The following PHF20 variants were observed in gnomAD, a reference collection of about 807,000 sequenced individuals.
PHF20 encodes the protein PHD finger protein 20.
A neutral mutation model predicts 113.5 loss-of-function variants in PHF20; 23 were observed. The ratio of observed to expected loss-of-function variants is 0.20; its 90% CI spans 0.15 to 0.29. PHF20 has a LOEUF of 0.29. PHF20 is among the 10% of genes least tolerant of loss of function. The pLI is 1.00. For synonymous variants in PHF20, 434 were observed against 457.3 expected, an observed-to-expected ratio of 0.95 and a Z score of 0.65; for missense variants, 943 against 1,219.6, an observed-to-expected ratio of 0.77 and a Z score of 3.38.
intron 4 of PHF20, among the ~76,000 whole-genome samples, chr20:35,851,124 T>C (rs1427497627): frequency 2.6e-5 from 4 of 152,156 alleles, no homozygotes; most frequent in African/African-American, 9.7e-5. Flanking sequence ...CCCCCAGTAG[T>C]GTACAACTCT....
rs186789752 is a variant in PHF20 at position 35,894,183 on chromosome 20, G to A, written c.1283-5187G>A. Among the ~76,000 whole-genome samples the A allele has an allele frequency of 1.2e-3, 178 of 152,332 alleles. 1 individual carries two copies. The highest frequency in any genetic ancestry group is 3.4e-3 in the Middle Eastern group (1 of 294). On this transcript the variant is annotated intron_variant, in intron 9 of 17. Transcript: ENST00000374012. ...TTCAGGGTGATATGCGTCCCAGCCA[G>A]GGCATATGAAGACTGGTTGAAGAAA...
chr20:35,776,516 T>C (rs2041178279), intron 1 of PHF20, among the ~76,000 whole-genome samples: 1 of 152,218 alleles, frequency 6.6e-6, no homozygotes, highest in Non-Finnish European at 1.5e-5. Flanking sequence ...TTTTTCCTTT[T>C]TTCAAAAAAT....
chr20:35,829,648 A>G (rs769808361), intron 2 of PHF20, among the ~76,000 whole-genome samples: 1 of 150,770 alleles, frequency 6.6e-6, no homozygotes, highest in Non-Finnish European at 1.5e-5. Context: ...AGCCTGACCT[A>G]AAATTTTTCA....
chr20:35,928,658 G>A (rs2055692479), intron 14 of PHF20: 1 of 152,160 alleles, frequency 6.6e-6, no homozygotes, highest in Admixed American at 6.6e-5. Context: ...TTTAGTGTAT[G>A]TGCTGCCGAA....
chr20:35,790,816 GA>G (rs541373706), intron 1 of PHF20, among the ~76,000 whole-genome samples: 213 of 152,224 alleles, frequency 1.4e-3, no homozygotes, highest in Non-Finnish European at 2.3e-3. Flanking sequence ...TGAGTACCTT[GA>G]ATATGGTTCT....
intron 10 of PHF20, among the ~76,000 whole-genome samples, chr20:35,903,072 CCTTT>C (rs1252444118): frequency 4.3e-5 from 4 of 94,058 alleles, no homozygotes; most frequent in African/African-American, 2.4e-4. Context: ...CCTTTCCTAT[CCTTT>C]CTTTTTTTTT....
At chr20:35,886,005 TTTCC>T (rs2054724289) in intron 9 of PHF20, among the ~76,000 whole-genome samples, 1 of 152,156 alleles carries the variant, frequency 6.6e-6, no homozygotes, top group Non-Finnish European at 1.5e-5. Flanking sequence ...ATCTCACTTC[TTTCC>T]TTCCTTTCCT....
chr20:35,944,257 T>G (rs1404492728), intron 17 of PHF20, among the ~76,000 whole-genome samples: 1 of 152,196 alleles, frequency 6.6e-6, no homozygotes, highest in African/African-American at 2.4e-5. Context: ...TTCTTCAGCC[T>G]AACAGACCTA....
At chr20:35,891,910 G>A (rs2054872692) in intron 9 of PHF20, among the ~76,000 whole-genome samples, 1 of 151,748 alleles carries the variant, frequency 6.6e-6, no homozygotes, top group African/African-American at 2.4e-5. Context: ...TCACTGTGTT[G>A]CCCAGGCTGG....
chr20:35,893,688 C>T (rs2054921204), intron 9 of PHF20, among the ~76,000 whole-genome samples: 1 of 152,088 alleles, frequency 6.6e-6, no homozygotes, highest in African/African-American at 2.4e-5. Flanking sequence ...GATCGCAGCT[C>T]ATTTCAACCT....
chr20:35,773,593 C>T (rs2041108982), intron 1 of PHF20, among the ~76,000 whole-genome samples: 1 of 152,118 alleles, frequency 6.6e-6, no homozygotes. Flanking sequence ...TTTATCTTTC[C>T]GCTAGCAGGA....
intron 4 of PHF20, chr20:35,855,264 G>A: frequency 7.5e-7 from 1 of 1,336,590 alleles, no homozygotes; most frequent in Non-Finnish European, 9.9e-7. Flanking sequence ...AATATAGGCA[G>A]GTAAAAACAG....
Position 35,899,360 on chromosome 20 carries a change from T to A in PHF20, c.1283-10T>A. The A allele has an allele frequency of 6.3e-7, 1 of 1,592,896 alleles. No homozygotes were observed. The highest frequency in any genetic ancestry group is 8.6e-7 in the Non-Finnish European group (1 of 1,168,444). ...CAAGGAACCTTTGCTTTTGTTTTTA[T>A]TTTTTTCAGTAACAAATACTTTTAA... On this transcript the variant is annotated splice_polypyrimidine_tract_variant and intron_variant, in intron 9 of 17. Transcript: ENST00000374012.
intron 13 of PHF20, 81 bp from the exon 14 acceptor site, chr20:35,927,699 C>A: frequency 9.6e-7 from 1 of 1,042,786 alleles, no homozygotes; most frequent in Non-Finnish European, 1.5e-6. Context: ...TCCCATGCCC[C>A]TCCCCTCAGC....
intron 1 of PHF20, among the ~76,000 whole-genome samples, chr20:35,794,313 AAAAG>A (rs1321502893): frequency 6.6e-6 from 1 of 151,872 alleles, no homozygotes; most frequent in African/African-American, 2.4e-5. Context: ...AAAAAAAAAA[AAAAG>A]AAAAAAGAAA....
At chr20:35,804,782 A>G (rs2041850731) in intron 2 of PHF20, among the ~76,000 whole-genome samples, 1 of 152,186 alleles carries the variant, frequency 6.6e-6, no homozygotes, top group Non-Finnish European at 1.5e-5. Context: ...GCACATACAC[A>G]GACTTTTACT....
At chr20:35,930,484 C>A (rs531403220) in intron 14 of PHF20, among the ~76,000 whole-genome samples, 1 of 151,928 alleles carries the variant, frequency 6.6e-6, no homozygotes, top group African/African-American at 2.4e-5. Flanking sequence ...GGCAACATGG[C>A]AAAACCCCAT....
intron 9 of PHF20, among the ~76,000 whole-genome samples, chr20:35,885,123 C>G (rs1266502233): frequency 2.0e-5 from 3 of 152,284 alleles, no homozygotes; most frequent in Non-Finnish European, 4.4e-5. Flanking sequence ...CATGAGCCAC[C>G]ATGCCCAGCC....
intron 9 of PHF20, among the ~76,000 whole-genome samples, chr20:35,898,849 G>C (rs1004360355): frequency 1.3e-5 from 2 of 152,114 alleles, no homozygotes; most frequent in African/African-American, 4.8e-5. Flanking sequence ...GACCTCAGGC[G>C]ATCTGCCTCC....
Sources: allele counts gnomAD v4.1 joint callset (sites outside exome capture counted in the v4.1 genomes callset), GRCh38; gene constraint gnomAD v4.1.1; transcripts MANE v1.5; gene names NCBI Gene and HGNC (gene_info 2026-07-23, HGNC 2026-07-21).